Variants in SETD1B observed in about 807,000 individuals in gnomAD.
SETD1B encodes histone-lysine N-methyltransferase SETD1B.
In SETD1B, 7 loss-of-function variants were observed where a neutral mutation model predicts 148.0. That is an observed-to-expected ratio of 0.05 (90% confidence interval 0.03 to 0.09). The LOEUF (loss-of-function observed/expected upper bound fraction) is 0.09, where lower values mean the gene tolerates loss of function less well. Among genes scored for constraint, SETD1B ranks in the 10% least tolerant of loss-of-function variants. SETD1B has a pLI of 1.00. For missense variants in SETD1B, 2,155 were observed against 2,729.9 expected, an observed-to-expected ratio of 0.79 and a Z score of 4.69; for synonymous variants, 1,361 against 1,186.5, an observed-to-expected ratio of 1.15 and a Z score of -3.02.
chr12:121,806,074 C>A lies in SETD1B; in HGVS notation c.513C>A (p.Gly171=). Residue 171 remains glycine, a synonymous_variant, in exon 4 of 17, where the codon GGC becomes GGA. Transcript: ENST00000604567. The part of the protein sequence containing the change: ...VQHLHSTSVM[G]NIIHVELDTK... ...ACTTGCACAGCACTTCCGTCATGGG[C>A]AACATTATCCACGTGGAGCTGGACA... The A allele has an allele frequency of 1.3e-6, 2 of 1,551,640 alleles. No homozygotes were observed. Among genetic ancestry groups the A allele is most frequent in the Non-Finnish European group, 1.7e-6 (2 of 1,146,964 alleles).
intron 6 of SETD1B, among the ~76,000 whole-genome samples, chr12:121,812,037 G>A (rs1271103195): frequency 6.6e-6 from 1 of 152,224 alleles, no homozygotes. Context: ...GGCCCGCAGT[G>A]GCTGGAGCGA....
At chr12:121,829,268 A>AG in intron 16 of SETD1B, among the ~76,000 whole-genome samples, 1 of 152,130 alleles carries the variant, frequency 6.6e-6, no homozygotes, top group African/African-American at 2.4e-5. Flanking sequence ...AGAGTGGCCA[A>AG]GGGGGCTGTA....
At position 121,810,906 on chromosome 12, in the gene SETD1B, C is replaced by T; in HGVS notation, c.1890+71C>T. The stretch of plus-strand genomic sequence containing the variant: ...TTGTATCTCCCTTTCCCCCTTCAAG[C>T]ATTTAGCATGACTAGCTAAGATGCG... On this transcript the variant is annotated intron_variant, in intron 6 of 16. Transcript: ENST00000604567. The surrounding 1 kb of genome is among the most constrained non-coding windows in gnomAD (Gnocchi z 7.6). 1.4e-6 allele frequency: 2 copies of T among 1,432,112 alleles called. No homozygotes were observed. The highest frequency in any genetic ancestry group is 1.8e-6 in the Non-Finnish European group (2 of 1,084,646). 88.7% of individuals were successfully genotyped at this position (1,432,112 alleles called of 1,614,324 possible).
chr12:121,812,848 C>G (rs941630109), intron 6 of SETD1B, among the ~76,000 whole-genome samples: 1 of 152,076 alleles, frequency 6.6e-6, no homozygotes, highest in Non-Finnish European at 1.5e-5. Flanking sequence ...TGGGTAGTCT[C>G]CGTCCTCCTA....
chr12:121,828,961 CTGAG>C (rs1381948569), intron 16 of SETD1B, among the ~76,000 whole-genome samples: 3 of 152,082 alleles, frequency 2.0e-5, no homozygotes, highest in Non-Finnish European at 4.4e-5. Context: ...CCGGGGAGAT[CTGAG>C]GGGTGAGAGG....
At chr12:121,797,653 A>C in the SETD1B span, 1 of 455,132 alleles carries the variant, frequency 2.2e-6, no homozygotes, top group Non-Finnish European at 4.4e-6. Flanking sequence ...TGGGAGGGAG[A>C]CGTACATCAA....
At chr12:121,811,311 C>T (rs936670019) in intron 6 of SETD1B, among the ~76,000 whole-genome samples, 3 of 152,010 alleles carry the variant, frequency 2.0e-5, no homozygotes, top group South Asian at 2.1e-4. Flanking sequence ...GGGGTGAAGC[C>T]CCGGAGCATT....
rs1249939154 is a variant in SETD1B at position 121,809,841 on chromosome 12, T to G, written c.896T>G (p.Leu299Arg). The part of the protein sequence containing the change: ...YSSRQPTPSY[L>R]FSQDPAVTFK... Reference sequence around the variant, plus strand: ...AGCCGCCAGCCCACACCCTCATACCTCTTCAGCCAGGACCCTGCAGTGACC... The same window carrying G: ...AGCCGCCAGCCCACACCCTCATACCGCTTCAGCCAGGACCCTGCAGTGACC... Residue 299 changes from leucine to arginine, a missense_variant, in exon 6 of 17, where the codon CTC becomes CGC. By Grantham distance (102) the Leu-to-Arg change is moderately radical (BLOSUM62 -2). Around this residue, in one of 11 missense-constraint regions of SETD1B, gnomAD observed 376 missense variants for 385.0 expected, o/e 0.98. Coordinates refer to ENST00000604567, the MANE Select transcript of SETD1B (RefSeq NM_001353345.2). 8 of 1,551,198 alleles carry G rather than the reference T, an allele frequency of 5.2e-6. No individual in the cohort carries two copies. Among genetic ancestry groups the G allele is most frequent in the South Asian group, 1.2e-5 (1 of 84,040 alleles).
Position 121,832,415 on chromosome 12 carries a change from G to A in SETD1B, c.*2176G>A, listed in dbSNP as rs1877137780. On this transcript the variant is annotated 3_prime_UTR_variant, in exon 17 of 17. Coordinates refer to ENST00000604567, the MANE Select transcript of SETD1B (RefSeq NM_001353345.2). ...CAAATCTCTGCTTTTCAAGAGTTGGGGGTTTCTGCTATTTTTTGCTTTCTC... is the reference window on the plus strand; with the variant it reads ...CAAATCTCTGCTTTTCAAGAGTTGGAGGTTTCTGCTATTTTTTGCTTTCTC... 1 of 153,558 alleles carries A rather than the reference G, an allele frequency of 6.5e-6. No homozygotes were observed. Among genetic ancestry groups the A allele is most frequent in the Admixed American group, 6.6e-5 (1 of 15,262 alleles). The allele number at this position is 153,558 out of a possible 1,614,324, so 9.5% of individuals were successfully genotyped here. A position where few individuals can be genotyped will look rare whatever the true frequency, so the allele number is the denominator to read the frequency against.
chr12:121,810,603 G>A lies in SETD1B; in HGVS notation c.1658G>A (p.Gly553Asp), dbSNP rs933009659. The change falls in exon 6 of 17, where the codon GGC becomes GAC. Residue 553 changes from glycine to aspartate, a missense_variant. Coordinates refer to ENST00000604567, the MANE Select transcript of SETD1B (RefSeq NM_001353345.2). The surrounding 1 kb of genome is among the most constrained non-coding windows in gnomAD (Gnocchi z 7.6). Reference sequence around the variant, plus strand: ...CCCTTTGGCACCAACTCCCAGCCAGGCTTCCGGGGCCCCACGCCCCCCTCG... The same window carrying A: ...CCCTTTGGCACCAACTCCCAGCCAGACTTCCGGGGCCCCACGCCCCCCTCG... Reference protein sequence around the residue: ...LAPFGTNSQPGFRGPTPPSSR... With the variant: ...LAPFGTNSQPDFRGPTPPSSR... The A allele has an allele frequency of 1.7e-5, 26 of 1,548,162 alleles. No individual in the cohort carries two copies. The highest frequency in any genetic ancestry group is 2.3e-5 in the Non-Finnish European group (26 of 1,146,620).
At chr12:121,797,721 A>T in the SETD1B span, 2 of 410,058 alleles carry the variant, frequency 4.9e-6, no homozygotes, top group South Asian at 3.5e-5. Flanking sequence ...AGCAACGAAG[A>T]CTCTAAAGGG....
In SETD1B at chr12:121,823,455, G is replaced by A. The variant is rs1469033493; in HGVS notation, c.4876G>A (p.Asp1626Asn). Residue 1626 changes from aspartate (D) to asparagine (N), a missense_variant, in exon 12 of 17, where the codon GAT becomes AAT. Asp to Asn is a conservative substitution (Grantham distance 23). This residue lies in a region of SETD1B where 862 missense variants were observed against 873.8 expected (regional missense o/e 0.99). Coordinates refer to ENST00000604567, the MANE Select transcript of SETD1B (RefSeq NM_001353345.2). The part of the protein sequence containing the change: ...EAIPPGPRGR[D>N]EVTEEYMELA... Reference sequence around the variant, plus strand: ...CATTCCTCCGGGCCCCCGTGGGCGCGATGAGGTCACTGAGGAATACATGGA... The same window carrying A: ...CATTCCTCCGGGCCCCCGTGGGCGCAATGAGGTCACTGAGGAATACATGGA... 1.5e-5 allele frequency: 24 copies of A among 1,550,044 alleles called. No individual in the cohort carries two copies. The highest frequency in any genetic ancestry group is 5.9e-5 in the Admixed American group (3 of 50,976).
At chr12:121,793,571 C>A in the SETD1B span, 1 of 1,553,108 alleles carries the variant, frequency 6.4e-7, no homozygotes, top group Non-Finnish European at 8.7e-7. Context: ...CGATCACGAT[C>A]TTCAGCTCCT....
the SETD1B span, among the ~76,000 whole-genome samples, chr12:121,791,204 C>T: frequency 6.6e-6 from 1 of 152,156 alleles, no homozygotes; most frequent in Non-Finnish European, 1.5e-5. Flanking sequence ...CGGCTCACTG[C>T]AACCTCTGCC....
At position 121,817,554 on chromosome 12, in the gene SETD1B, G is replaced by A; in HGVS notation, c.3162G>A (p.Gly1054=). 1 of 1,551,536 alleles carries A rather than the reference G, an allele frequency of 6.4e-7. No homozygotes were observed. Among genetic ancestry groups the A allele is most frequent in the Non-Finnish European group, 8.7e-7 (1 of 1,146,878 alleles). Residue 1054 remains glycine, a synonymous_variant, in exon 9 of 17, where the codon GGG becomes GGA. Coordinates refer to ENST00000604567, the MANE Select transcript of SETD1B (RefSeq NM_001353345.2). The surrounding 1 kb of genome is among the most constrained non-coding windows in gnomAD (Gnocchi z 8.1). ...CCTCATCCGCGTCATCATCCTCGGG[G>A]TCCTCAACCACCTCACCCTCGTCCT... is the stretch of plus-strand genomic sequence containing the variant. ...SSSSSASSSS[G]SSTTSPSSSA...
At chr12:121,800,443 G>C (rs1427988617), upstream of SETD1B, 1 of 152,052 alleles carries the variant, frequency 6.6e-6, no homozygotes, top group Non-Finnish European at 1.5e-5. Context: ...GGTGGGCAGC[G>C]GGGGGCGGCC....
chr12:121,812,591 C>G (rs1198159776), intron 6 of SETD1B, among the ~76,000 whole-genome samples: 1 of 152,050 alleles, frequency 6.6e-6, no homozygotes, highest in East Asian at 1.9e-4. Context: ...CAGGATCTGC[C>G]TCCCTGTGAT....
Position 121,810,689 on chromosome 12 carries a change from G to T in SETD1B, c.1744G>T (p.Glu582Ter). 6.4e-7 allele frequency: 1 copy of T among 1,550,650 alleles called. No individual in the cohort carries two copies. The change falls in exon 6 of 17, where the codon GAG becomes TAG. Residue 582 changes from glutamate (E) to a stop codon, truncating the protein, a stop_gained. Transcript: ENST00000604567. LOFTEE classifies it high-confidence loss of function. This position sits in a 1 kb window ranked among gnomAD's most constrained non-coding sequence, Gnocchi z 7.6. ...CCCAACACCCCTCCCAGACTCCGAC[G>T]AGGACGAGGAGCTCGACCTGGGCCT... ...ISPTPLPDSD[E>*]DEELDLGLGP...
intron 7 of SETD1B, among the ~76,000 whole-genome samples, chr12:121,816,274 C>T (rs1393858232): frequency 6.6e-6 from 1 of 151,848 alleles, no homozygotes; most frequent in Non-Finnish European, 1.5e-5. Context: ...CCCCCTGCTC[C>T]CCTCCCTCGA....
Sources: gnomAD v4.1 joint callset for allele counts (sites outside exome capture counted in the v4.1 genomes callset) on GRCh38, gnomAD v4.1.1 for gene constraint, gnomAD v4.1.1 regional missense constraint, Gnocchi (gnomAD v3.1) non-coding constraint, MANE v1.5 for transcripts, NCBI Gene and HGNC (gene_info 2026-07-23, HGNC 2026-07-21) for gene names.